DLGAP2: variants seen among roughly 807,000 people sequenced by gnomAD.
The protein encoded by DLGAP2 is DLG associated protein 2.
DLGAP2 carries 26 observed loss-of-function variants against 100.3 expected under a neutral mutation model. The observed-to-expected ratio is 0.26, with a 90% CI of 0.19 to 0.36. The LOEUF (loss-of-function observed/expected upper bound fraction) is 0.36, where lower values mean the gene tolerates loss of function less well. Among genes scored for constraint, DLGAP2 ranks in the 10% least tolerant of loss-of-function variants. DLGAP2 has a pLI of 1.00. For missense variants in DLGAP2, 1,858 were observed against 1,453.2 expected, an observed-to-expected ratio of 1.28 and a Z score of -4.53; for synonymous variants, 886 against 630.1, an observed-to-expected ratio of 1.41 and a Z score of -6.08.
At chr8:1,424,849 C>A (rs1166601654) in intron 3 of DLGAP2, among the ~76,000 whole-genome samples, 7 of 152,190 alleles carry the variant, frequency 4.6e-5, no homozygotes, top group Non-Finnish European at 8.8e-5. Context: ...ACAGACAGGT[C>A]AGAGGGAGGC....
chr8:1,294,053 G>C (rs1057308314), intron 3 of DLGAP2, among the ~76,000 whole-genome samples: 1 of 152,196 alleles, frequency 6.6e-6, no homozygotes, highest in Non-Finnish European at 1.5e-5. Context: ...GCCGGGCAGA[G>C]GGGAATGGAC....
intron 3 of DLGAP2, among the ~76,000 whole-genome samples, chr8:1,478,541 T>C (rs540659852): frequency 4.0e-5 from 6 of 151,834 alleles, no homozygotes; most frequent in African/African-American, 1.5e-4. Context: ...ATCGACACCA[T>C]AGATGCCCAG....
chr8:989,193 C>T (rs1454479209), intron 2 of DLGAP2, among the ~76,000 whole-genome samples: 2 of 152,140 alleles, frequency 1.3e-5, no homozygotes, highest in Non-Finnish European at 2.9e-5. Flanking sequence ...TTGGGGGGCT[C>T]TCCCGCATGC....
At chr8:1,215,879 A>T (rs1311530291) in intron 2 of DLGAP2, among the ~76,000 whole-genome samples, 1 of 144,296 alleles carries the variant, frequency 6.9e-6, no homozygotes, top group Non-Finnish European at 1.5e-5. Context: ...GGAGACGTCC[A>T]GGTACCTCCA....
At chr8:1,129,570 G>T (rs867123779) in intron 2 of DLGAP2, among the ~76,000 whole-genome samples, 1 of 152,208 alleles carries the variant, frequency 6.6e-6, no homozygotes, top group South Asian at 2.1e-4. Context: ...TTTCGAGAGG[G>T]GCACCTGCTC....
chr8:874,739 A>C (rs979086506), intron 1 of DLGAP2, among the ~76,000 whole-genome samples: 1 of 152,182 alleles, frequency 6.6e-6, no homozygotes, highest in East Asian at 1.9e-4. Flanking sequence ...ATGGGTTTAC[A>C]GTGTTGTTCA....
At chr8:1,210,810 G>T (rs1798088125) in intron 2 of DLGAP2, among the ~76,000 whole-genome samples, 1 of 151,928 alleles carries the variant, frequency 6.6e-6, no homozygotes, top group Non-Finnish European at 1.5e-5. Context: ...GCCCCATGTG[G>T]TCGGTTTTCC....
At chr8:882,474 C>G (rs1436547699) in intron 1 of DLGAP2, among the ~76,000 whole-genome samples, 1 of 128,114 alleles carries the variant, frequency 7.8e-6, no homozygotes, top group Non-Finnish European at 1.6e-5. Flanking sequence ...CCTGCGGGCA[C>G]CCTCGCCTGA....
chr8:1,542,106 C>G (rs1385118932), intron 4 of DLGAP2, among the ~76,000 whole-genome samples: 1 of 152,166 alleles, frequency 6.6e-6, no homozygotes, highest in African/African-American at 2.4e-5. Context: ...AACTGCTTTC[C>G]TAAATGTTAT....
chr8:746,460 G>GC (rs1216750620), intron 1 of DLGAP2, among the ~76,000 whole-genome samples: 1 of 152,210 alleles, frequency 6.6e-6, no homozygotes, highest in Admixed American at 6.5e-5. Flanking sequence ...CACGTCGGCA[G>GC]GGGGGCTCCA....
chr8:872,017 G>A (rs1291963694), intron 1 of DLGAP2, among the ~76,000 whole-genome samples: 2 of 152,086 alleles, frequency 1.3e-5, no homozygotes, highest in Non-Finnish European at 2.9e-5. Context: ...CAGATTTTGT[G>A]ATATGATTAT....
intron 1 of DLGAP2, among the ~76,000 whole-genome samples, chr8:809,016 G>T (rs1283825597): frequency 6.7e-6 from 1 of 148,978 alleles, no homozygotes; most frequent in Non-Finnish European, 1.5e-5. Context: ...AAGAGATTCT[G>T]TTGCCTCAGC....
chr8:1,324,348 CTTAGTCCTGAG>C (rs2117044938), intron 3 of DLGAP2, among the ~76,000 whole-genome samples: 1 of 152,318 alleles, frequency 6.6e-6, no homozygotes, highest in East Asian at 1.9e-4. Flanking sequence ...ACTGACTCAA[CTTAGTCCTGAG>C]TTTGACTTTA....
intron 6 of DLGAP2, among the ~76,000 whole-genome samples, chr8:1,615,974 T>C (rs1336433704): frequency 6.6e-6 from 1 of 152,180 alleles, no homozygotes; most frequent in Non-Finnish European, 1.5e-5. Context: ...GTCTTATGAA[T>C]GATATAAAAA....
chr8:1,115,106 C>G (rs1282946223), intron 2 of DLGAP2, among the ~76,000 whole-genome samples: 1 of 152,082 alleles, frequency 6.6e-6, no homozygotes, highest in African/African-American at 2.4e-5. Context: ...GGATTATGTT[C>G]AATTATGTGG....
Position 921,677 on chromosome 8 carries a change from C to T in DLGAP2, c.73+13711C>T, listed in dbSNP as rs577240612. On this transcript the variant is annotated intron_variant, in intron 2 of 14. Coordinates refer to ENST00000637795, the MANE Select transcript of DLGAP2 (RefSeq NM_001346810.2). The stretch of plus-strand genomic sequence containing the variant: ...TACAGATGCTGTTCTGTACCTGTCA[C>T]GGCTACTGCCACCCAGCCATCCTCC... Among the ~76,000 whole-genome samples, 14 of 152,372 alleles carry T rather than the reference C, an allele frequency of 9.2e-5. No homozygotes were observed. The South Asian group carries it at 1.0e-3, about 11-fold the overall frequency.
At chr8:1,452,363 C>G (rs1322644320) in intron 3 of DLGAP2, among the ~76,000 whole-genome samples, 1 of 152,226 alleles carries the variant, frequency 6.6e-6, no homozygotes, top group Non-Finnish European at 1.5e-5. Flanking sequence ...GGAACAGCAC[C>G]AAACATCAGC....
intron 3 of DLGAP2, among the ~76,000 whole-genome samples, chr8:1,452,439 A>G (rs1206640687): frequency 6.6e-6 from 1 of 152,192 alleles, no homozygotes; most frequent in Non-Finnish European, 1.5e-5. Flanking sequence ...ATGAGAACAA[A>G]TGGAAGATGC....
intron 2 of DLGAP2, among the ~76,000 whole-genome samples, chr8:1,190,998 G>T (rs1797622891): frequency 6.6e-6 from 1 of 152,134 alleles, no homozygotes; most frequent in Admixed American, 6.5e-5. Flanking sequence ...AATTCCTCAT[G>T]GTCAGGGGAG....
Sources: allele counts gnomAD v4.1 joint callset (sites outside exome capture counted in the v4.1 genomes callset), GRCh38; gene constraint gnomAD v4.1.1; transcripts MANE v1.5; gene names NCBI Gene and HGNC (gene_info 2026-07-23, HGNC 2026-07-21).